Variants in LINGO2 observed in about 807,000 individuals in gnomAD.
The protein encoded by LINGO2 is leucine rich repeat and Ig domain containing 2.
LINGO2 carries 14 observed loss-of-function variants against 30.6 expected under a neutral mutation model. The observed-to-expected ratio is 0.46, with a 90% confidence interval of 0.30 to 0.72. The LOEUF is 0.72. Ranked by LOEUF, LINGO2 falls within the 30% of genes least tolerant of loss-of-function variation. The pLI, the probability that LINGO2 is intolerant of heterozygous loss-of-function variation, is 0.07. For synonymous variants in LINGO2, 317 were observed against 288.5 expected (o/e 1.10, Z -1.00); for missense variants, 729 against 751.7 (o/e 0.97, Z 0.35).
At chr9:28,563,916 T>G (rs1205250798) in intron 1 of LINGO2, among the ~76,000 whole-genome samples, 1 of 152,110 alleles carries the variant, frequency 6.6e-6, no homozygotes, top group Non-Finnish European at 1.5e-5. Flanking sequence ...CTCCTACCTA[T>G]GCATAACAAT....
chr9:28,703,216 T>G, the LINGO2 span, among the ~76,000 whole-genome samples: 1 of 151,882 alleles, frequency 6.6e-6, no homozygotes, highest in African/African-American at 2.4e-5. Flanking sequence ...CTTAAATTAT[T>G]GATTTTAGAT....
chr9:27,954,158 A>G (rs1819451158), intron 5 of LINGO2, among the ~76,000 whole-genome samples: 1 of 152,230 alleles, frequency 6.6e-6, no homozygotes, highest in Non-Finnish European at 1.5e-5. Flanking sequence ...GTTAGAGTAT[A>G]TAGAGTATCC....
Position 28,428,387 on chromosome 9 carries a change from G to A in LINGO2, c.-279+47553C>T, listed in dbSNP as rs76121233. Among the ~76,000 whole-genome samples the A allele has an allele frequency of 6.4e-3, 979 of 152,268 alleles. 39 individuals are homozygous for A. In the East Asian group the frequency reaches 0.092, roughly 14 times the overall value. On this transcript the variant is annotated intron_variant, in intron 2 of 5. Coordinates refer to ENST00000379992, the Ensembl canonical transcript of LINGO2. ...CTGCCTTCATCCTCTGGCTGACGAA[G>A]CAGAATCACTGCTTCTCCACAGAGG...
At chr9:28,446,910 T>C (rs949581136) in intron 2 of LINGO2, among the ~76,000 whole-genome samples, 4 of 152,204 alleles carry the variant, frequency 2.6e-5, no homozygotes, top group Admixed American at 1.3e-4. Flanking sequence ...CCTCTCACTC[T>C]CTGCCCTGCA....
the LINGO2 span, among the ~76,000 whole-genome samples, chr9:29,202,523 GTCTT>G: frequency 7.2e-5 from 11 of 151,850 alleles, no homozygotes; most frequent in Admixed American, 3.9e-4. Flanking sequence ...TGTATCTATA[GTCTT>G]TCTAATTCCA....
intron 4 of LINGO2, among the ~76,000 whole-genome samples, chr9:28,211,718 T>A (rs1820599031): frequency 6.6e-6 from 1 of 151,496 alleles, no homozygotes; most frequent in African/African-American, 2.4e-5. Context: ...ACACTCTCTC[T>A]CTTTCTCTTA....
At chr9:28,969,776 T>C in the LINGO2 span, among the ~76,000 whole-genome samples, 1 of 152,150 alleles carries the variant, frequency 6.6e-6, no homozygotes, top group East Asian at 1.9e-4. Flanking sequence ...ATTCTTAGGA[T>C]TTTGCCATGG....
intron 4 of LINGO2, among the ~76,000 whole-genome samples, chr9:28,054,011 A>G (rs1243872973): frequency 6.6e-6 from 1 of 152,012 alleles, no homozygotes; most frequent in Non-Finnish European, 1.5e-5. Flanking sequence ...GAGGGCCTGT[A>G]TATATGCAAT....
At chr9:28,328,882 G>A (rs745644230) in intron 3 of LINGO2, among the ~76,000 whole-genome samples, 1 of 152,116 alleles carries the variant, frequency 6.6e-6, no homozygotes, top group Non-Finnish European at 1.5e-5. Context: ...AAGATTTATT[G>A]TTGAAAGACA....
the LINGO2 span, among the ~76,000 whole-genome samples, chr9:28,947,697 T>C: frequency 1.3e-5 from 2 of 151,652 alleles, no homozygotes; most frequent in African/African-American, 4.8e-5. Context: ...CACACACACA[T>C]ATACACGTCT....
the LINGO2 span, among the ~76,000 whole-genome samples, chr9:28,684,173 A>ATTTTTTTTTT: frequency 1.9e-5 from 1 of 52,984 alleles, no homozygotes; most frequent in Non-Finnish European, 4.4e-5. Context: ...TAAAATGTTT[A>ATTTTTTTTTT]TCTTTTTTTT....
intron 2 of LINGO2, among the ~76,000 whole-genome samples, chr9:28,385,950 A>C (rs1202438964): frequency 6.6e-6 from 1 of 152,194 alleles, no homozygotes; most frequent in Non-Finnish European, 1.5e-5. Context: ...TTAATAAAAT[A>C]CTACAGTTCT....
intron 1 of LINGO2, among the ~76,000 whole-genome samples, chr9:28,543,111 T>C (rs1217855193): frequency 6.6e-6 from 1 of 152,114 alleles, no homozygotes; most frequent in Non-Finnish European, 1.5e-5. Context: ...ACGTATTTAG[T>C]ACTTCAGGAA....
chr9:29,146,317 T>C, the LINGO2 span, among the ~76,000 whole-genome samples: 1 of 151,978 alleles, frequency 6.6e-6, no homozygotes, highest in Non-Finnish European at 1.5e-5. Flanking sequence ...ATCACACCAC[T>C]GCACTCCAGT....
At chr9:29,117,316 A>G in the LINGO2 span, among the ~76,000 whole-genome samples, 66 of 152,164 alleles carry the variant, frequency 4.3e-4, no homozygotes, top group African/African-American at 1.5e-3. Context: ...AAAGAGAAAA[A>G]AAGCCCCGAT....
the LINGO2 span, among the ~76,000 whole-genome samples, chr9:29,146,063 T>C: frequency 6.6e-6 from 1 of 152,218 alleles, no homozygotes; most frequent in Non-Finnish European, 1.5e-5. Context: ...AGGTCAGTTA[T>C]CAATTTTTTA....
chr9:28,273,870 G>C (rs941156782), intron 4 of LINGO2, among the ~76,000 whole-genome samples: 5 of 152,062 alleles, frequency 3.3e-5, no homozygotes, highest in Non-Finnish European at 7.4e-5. Flanking sequence ...AGATACTAGG[G>C]CTACAACTAA....
the LINGO2 span, among the ~76,000 whole-genome samples, chr9:28,777,921 C>CCCA: frequency 6.6e-6 from 1 of 152,114 alleles, no homozygotes; most frequent in African/African-American, 2.4e-5. Context: ...GACAGCACAT[C>CCCA]CCATAGTTCC....
intron 4 of LINGO2, among the ~76,000 whole-genome samples, chr9:28,229,299 T>A (rs1821276562): frequency 6.6e-6 from 1 of 151,634 alleles, no homozygotes; most frequent in African/African-American, 2.4e-5. Flanking sequence ...ATATTGAAAA[T>A]AAAACAAAAA....
Sources: gnomAD v4.1 joint callset for allele counts (sites outside exome capture counted in the v4.1 genomes callset) on GRCh38, gnomAD v4.1.1 for gene constraint, MANE v1.5 for transcripts, NCBI Gene and HGNC (gene_info 2026-07-23, HGNC 2026-07-21) for gene names.